Variants in TUBGCP4 observed in about 807,000 individuals in gnomAD.
TUBGCP4 encodes gamma-tubulin complex component 4.
In TUBGCP4, 54 loss-of-function variants were observed where a neutral mutation model predicts 91.6. That is an observed-to-expected ratio of 0.59 (90% CI 0.47 to 0.74). The LOEUF (loss-of-function observed/expected upper bound fraction) is 0.74. Among genes scored for constraint, TUBGCP4 ranks in the 30% least tolerant of loss-of-function variants. The probability of loss-of-function intolerance (pLI) is 0.00; values close to 1 mark genes in which losing one functional copy is unlikely to be tolerated. For synonymous variants in TUBGCP4, 297 were observed against 302.8 expected, an observed-to-expected ratio of 0.98 and a Z score of 0.20; for missense variants, 593 against 800.9, an observed-to-expected ratio of 0.74 and a Z score of 3.13.
intron 7 of TUBGCP4, chr15:43,385,495 C>A: frequency 2.1e-6 from 1 of 484,462 alleles, no homozygotes; most frequent in South Asian, 1.6e-5. Context: ...AAGACCACCT[C>A]TTTCATCGTA....
chr15:43,371,375 G>A lies in TUBGCP4; in HGVS notation c.21G>A (p.Leu7=). 1 of 1,614,078 alleles carries A rather than the reference G, an allele frequency of 6.2e-7. No individual in the cohort carries two copies. The change falls in exon 1 of 18, where the codon TTG becomes TTA. Residue 7 remains leucine (L), a synonymous_variant. Coordinates refer to ENST00000564079, the MANE Select transcript of TUBGCP4 (RefSeq NM_014444.5). ...TGGGAATGATCCACGAACTGCTCTT[G>A]GCTCTGAGCGGGTACCCTGGGTCCA... MIHELL[L]ALSGYPGSIF...
intron 1 of TUBGCP4, among the ~76,000 whole-genome samples, chr15:43,374,219 CTT>C: frequency 6.6e-6 from 1 of 152,156 alleles, no homozygotes; most frequent in Non-Finnish European, 1.5e-5. Context: ...TTTGTTCACT[CTT>C]TTATCTCAAA....
At chr15:43,376,307 T>C (rs1376662093) in intron 2 of TUBGCP4, 81 bp downstream of exon 2, 8 of 1,605,692 alleles carry the variant, frequency 5.0e-6, no homozygotes, top group Non-Finnish European at 3.4e-6. Flanking sequence ...GCAGGAGCTA[T>C]GTCAAGCTTT....
rs770964953 is a variant in TUBGCP4, at chr15:43,373,617, C to T, written c.78+2185C>T. On this transcript the variant is annotated intron_variant, in intron 1 of 17. Coordinates refer to ENST00000564079, the MANE Select transcript of TUBGCP4 (RefSeq NM_014444.5). ...AAGAGGCAACTCAGGGATTCAAACC[C>T]AGGCAGTTGGGCTCCAGAGACCAGG... Among the ~76,000 whole-genome samples, 49 of 151,226 alleles carry T rather than the reference C, an allele frequency of 3.2e-4. 1 individual carries two copies. Among genetic ancestry groups the T allele is most frequent in the Non-Finnish European group, 6.2e-4 (42 of 67,952 alleles).
At chr15:43,404,782 C>A (rs974088938) in intron 17 of TUBGCP4, 1 of 550,406 alleles carries the variant, frequency 1.8e-6, no homozygotes, top group Non-Finnish European at 3.2e-6. Context: ...GGTGTTAAGT[C>A]CTTTGCTAGG....
At chr15:43,394,908 T>C (rs1216804356) in intron 9 of TUBGCP4, 199 bp from the exon 10 acceptor site, 8 of 591,152 alleles carry the variant, frequency 1.4e-5, no homozygotes, top group Non-Finnish European at 2.1e-5. Context: ...ACCTCTTTTC[T>C]TCATTAATTA....
chr15:43,391,879 T>C (rs928984343), intron 9 of TUBGCP4, among the ~76,000 whole-genome samples: 2 of 152,214 alleles, frequency 1.3e-5, no homozygotes, highest in South Asian at 4.1e-4. Context: ...GGCGAAACCC[T>C]GTCTCTACTA....
intron 4 of TUBGCP4, 110 bp from the exon 5 acceptor site, chr15:43,377,737 T>C: frequency 1.1e-6 from 1 of 872,320 alleles, no homozygotes; most frequent in Non-Finnish European, 1.8e-6. Flanking sequence ...TTCTGTGGTA[T>C]TGCCATTTTA....
intron 15 of TUBGCP4, 51 bp from the exon 16 acceptor site, chr15:43,403,632 C>A: frequency 1.5e-6 from 2 of 1,336,514 alleles, no homozygotes; most frequent in Non-Finnish European, 2.1e-6. Flanking sequence ...ACTTTAACTT[C>A]ATGGATGTAC....
intron 1 of TUBGCP4, among the ~76,000 whole-genome samples, chr15:43,374,603 C>A (rs2044174033): frequency 6.6e-6 from 1 of 151,864 alleles, no homozygotes; most frequent in Admixed American, 6.6e-5. Flanking sequence ...CAGAGTGAAA[C>A]CTTGTCTCTA....
intron 9 of TUBGCP4, chr15:43,394,085 T>A (rs75683850): frequency 3.8e-4 from 1 of 2,620 alleles, no homozygotes; most frequent in Non-Finnish European, 7.0e-4. Flanking sequence ...TTCTCACTAT[T>A]TTTTTTTTTT....
Position 43,407,592 on chromosome 15 carries a change from G to A in TUBGCP4, c.*2378G>A. On this transcript the variant is annotated 3_prime_UTR_variant, in exon 18 of 18. Coordinates refer to ENST00000564079, the MANE Select transcript of TUBGCP4 (RefSeq NM_014444.5). ...ATATCTGCAAGGAGCAAGGGAAAGT[G>A]AAGAAGGAAAGGACACTCAACTTAG... 6.3e-7 allele frequency: 1 copy of A among 1,597,658 alleles called. No individual in the cohort carries two copies. Among genetic ancestry groups the A allele is most frequent in the Middle Eastern group, 1.7e-4 (1 of 5,986 alleles).
At chr15:43,395,544 C>A in intron 10 of TUBGCP4, 39 bp from the exon 11 acceptor site, 1 of 1,490,294 alleles carries the variant, frequency 6.7e-7, no homozygotes, top group South Asian at 1.1e-5. Context: ...GAGCTCCTGC[C>A]TTGCTTTACT....
Position 43,406,536 on chromosome 15 carries a change from C to T in TUBGCP4, c.*1322C>T, listed in dbSNP as rs140975909. On this transcript the variant is annotated 3_prime_UTR_variant, in exon 18 of 18. Coordinates refer to ENST00000564079, the MANE Select transcript of TUBGCP4 (RefSeq NM_014444.5). ...TGCTTTCATGCCCTCACAGCAAAGG[C>T]GAGTAGTTGTGATGGATCAAATGGC... 10 of 453,842 alleles carry T rather than the reference C, an allele frequency of 2.2e-5. No individual in the cohort carries two copies. Among genetic ancestry groups the T allele is most frequent in the Admixed American group, 4.7e-5 (2 of 42,304 alleles). 28.1% of individuals were successfully genotyped at this position (453,842 alleles called of 1,614,324 possible).
At chr15:43,378,922 T>G (rs1033939544) in intron 5 of TUBGCP4, among the ~76,000 whole-genome samples, 1 of 152,206 alleles carries the variant, frequency 6.6e-6, no homozygotes, top group Non-Finnish European at 1.5e-5. Flanking sequence ...AACCACTAGA[T>G]TAAACTATCT....
chr15:43,409,162 A>G lies in TUBGCP4; in HGVS notation c.*3948A>G, dbSNP rs2045028831. The G allele has an allele frequency of 1.4e-6, 2 of 1,468,766 alleles. No homozygotes were observed. The highest frequency in any genetic ancestry group is 1.2e-5 in the South Asian group (1 of 85,962). 91.0% of individuals were successfully genotyped at this position (1,468,766 alleles called of 1,614,324 possible). A position where few individuals can be genotyped will look rare whatever the true frequency, so the allele number is the denominator to read the frequency against. ...TGTGGAAAGCTCCTAAGCAGCAGCC[A>G]TAATGAGCCATGAAGAGCAGATCTG... On this transcript the variant is annotated 3_prime_UTR_variant, in exon 18 of 18. Transcript: ENST00000564079.
In TUBGCP4 at chr15:43,376,088, CT is replaced by C. The variant is rs1298452391; in HGVS notation, c.79-8del. On this transcript the variant is annotated splice_polypyrimidine_tract_variant and intron_variant, in intron 1 of 17. Coordinates refer to ENST00000564079, the MANE Select transcript of TUBGCP4 (RefSeq NM_014444.5). ...TGGCGGTGTTTTCGGCAGTGTTCCTCTTCCTGCAGGTATCGCAGGACTTCCC... is the reference window on the plus strand; with the variant it reads ...TGGCGGTGTTTTCGGCAGTGTTCCTCTCCTGCAGGTATCGCAGGACTTCCC... The C allele has an allele frequency of 6.2e-7, 1 of 1,613,148 alleles. No homozygotes were observed. The highest frequency in any genetic ancestry group is 8.5e-7 in the Non-Finnish European group (1 of 1,179,218).
At position 43,397,981 on chromosome 15, in the gene TUBGCP4, C is replaced by T. The variant is rs556822431; in HGVS notation, c.1280-60C>T. On this transcript the variant is annotated intron_variant, in intron 12 of 17. Coordinates refer to ENST00000564079, the MANE Select transcript of TUBGCP4 (RefSeq NM_014444.5). ...TTAATGTTATTCACTTGTTGAGTCT[C>T]TGGTTCTAGATTAACCAAGTTGTTA... is the stretch of plus-strand genomic sequence containing the variant. 57 of 1,535,802 alleles carry T rather than the reference C, an allele frequency of 3.7e-5. No individual in the cohort carries two copies. In the Middle Eastern group the frequency reaches 2.8e-3, roughly 76 times the overall value.
At chr15:43,387,112 T>C (rs887086706) in intron 9 of TUBGCP4, among the ~76,000 whole-genome samples, 1 of 152,244 alleles carries the variant, frequency 6.6e-6, no homozygotes, top group Non-Finnish European at 1.5e-5. Context: ...AATCATCTTA[T>C]GAGGAAAGCA....
Sources: gnomAD v4.1 joint callset for allele counts (sites outside exome capture counted in the v4.1 genomes callset) on GRCh38, gnomAD v4.1.1 for gene constraint, MANE v1.5 for transcripts, NCBI Gene and HGNC (gene_info 2026-07-23, HGNC 2026-07-21) for gene names.